Variants in ANK3 observed in about 807,000 individuals in gnomAD.
ANK3 encodes ankyrin-3.
A neutral mutation model predicts 370.9 loss-of-function variants in ANK3; 57 were observed. That is an observed-to-expected ratio of 0.15 (90% CI 0.12 to 0.19). The LOEUF (loss-of-function observed/expected upper bound fraction) is 0.19. Among genes scored for constraint, ANK3 ranks in the 10% least tolerant of loss-of-function variants. The probability of loss-of-function intolerance (pLI) is 1.00; values close to 1 mark genes in which losing one functional copy is unlikely to be tolerated. For missense variants in ANK3, 4,439 were observed against 5,302.1 expected, an observed-to-expected ratio of 0.84 and a Z score of 5.06; for synonymous variants, 1,929 against 1,946.3, an observed-to-expected ratio of 0.99 and a Z score of 0.23.
chr10:60,475,599 A>C (rs1397105963), intron 2 of ANK3, among the ~76,000 whole-genome samples: 1 of 152,232 alleles, frequency 6.6e-6, no homozygotes, highest in Non-Finnish European at 1.5e-5. Flanking sequence ...AAGAAAAGCC[A>C]AATAGTTTAA....
At chr10:60,392,615 C>A, upstream of ANK3, among the ~76,000 whole-genome samples, 1 of 152,156 alleles carries the variant, frequency 6.6e-6, no homozygotes, top group East Asian at 1.9e-4. Context: ...GGCCCATGCA[C>A]GGAATGTCAA....
At chr10:60,304,433 A>G (rs1056552643) in intron 1 of ANK3, among the ~76,000 whole-genome samples, 3 of 152,074 alleles carry the variant, frequency 2.0e-5, no homozygotes, top group African/African-American at 7.2e-5. Context: ...ACCTGAGGCC[A>G]GGAGTTCAAG....
intron 1 of ANK3, among the ~76,000 whole-genome samples, chr10:60,675,991 C>T (rs1409410122): frequency 6.6e-6 from 1 of 151,860 alleles, no homozygotes; most frequent in Non-Finnish European, 1.5e-5. Context: ...TTAAATTGCA[C>T]CATTTATATA....
chr10:60,084,649 C>T lies in ANK3; in HGVS notation c.4027G>A (p.Glu1343Lys), dbSNP rs764695552. The change falls in exon 32 of 44, where the codon GAG becomes AAG. Residue 1343 changes from glutamate to lysine, a missense_variant. Transcript: ENST00000280772. ...ACTTCCTCAAAATTCTCTTGTTGCTCTAAAGTTTTGTCCACTTTGTCATCT... is the reference window on the plus strand; with the variant it reads ...ACTTCCTCAAAATTCTCTTGTTGCTTTAAAGTTTTGTCCACTTTGTCATCT... ...MTDDKVDKTL[E>K]QQENFEEVAR... 6.2e-7 allele frequency: 1 copy of T among 1,613,874 alleles called. No individual in the cohort carries two copies. The highest frequency in any genetic ancestry group is 8.5e-7 in the Non-Finnish European group (1 of 1,179,946).
At chr10:60,241,337 G>C (rs1388417144) in intron 7 of ANK3, among the ~76,000 whole-genome samples, 1 of 152,142 alleles carries the variant, frequency 6.6e-6, no homozygotes, top group Non-Finnish European at 1.5e-5. Flanking sequence ...AAATACGATT[G>C]TAATTTTATA....
intron 9 of ANK3, among the ~76,000 whole-genome samples, chr10:60,211,892 C>CAAAAAAAAAAAAAAAAAA (rs72238553): frequency 3.2e-5 from 3 of 93,400 alleles, no homozygotes; most frequent in Non-Finnish European, 5.9e-5. Flanking sequence ...AATACAGAGC[C>CAAAAAAAAAAAAAAAAAA]AAAAAAAAAA....
intron 2 of ANK3, among the ~76,000 whole-genome samples, chr10:60,603,167 T>A (rs1279912653): frequency 6.6e-6 from 1 of 152,158 alleles, no homozygotes; most frequent in Non-Finnish European, 1.5e-5. Flanking sequence ...CACTTTTCTA[T>A]GAATAACTCA....
At chr10:60,528,205 C>T (rs532357519) in intron 2 of ANK3, among the ~76,000 whole-genome samples, 3 of 139,464 alleles carry the variant, frequency 2.2e-5, no homozygotes, top group East Asian at 2.2e-4. Flanking sequence ...GGTGCAATCT[C>T]GACTCACCAC....
intron 1 of ANK3, among the ~76,000 whole-genome samples, chr10:60,665,822 A>G (rs1163534347): frequency 6.6e-6 from 1 of 152,188 alleles, no homozygotes; most frequent in Non-Finnish European, 1.5e-5. Context: ...ATAATTAAGT[A>G]TTATATTTTT....
At chr10:60,171,120 T>A (rs1052720700) in intron 21 of ANK3, among the ~76,000 whole-genome samples, 6 of 152,204 alleles carry the variant, frequency 3.9e-5, no homozygotes, top group Non-Finnish European at 7.3e-5. Context: ...AACTTAATGA[T>A]AGATTTTAAT....
At chr10:60,517,036 G>T (rs2076234829) in intron 2 of ANK3, among the ~76,000 whole-genome samples, 1 of 151,854 alleles carries the variant, frequency 6.6e-6, no homozygotes, top group African/African-American at 2.4e-5. Context: ...GGTGGTCTTG[G>T]GCAAGTTATC....
intron 1 of ANK3, among the ~76,000 whole-genome samples, chr10:60,377,576 T>C (rs1335832510): frequency 6.6e-6 from 1 of 152,230 alleles, no homozygotes; most frequent in Non-Finnish European, 1.5e-5. Context: ...AAATGAGCAA[T>C]ACTGGTGATG....
chr10:60,058,379 CAAATGTGA>C lies in ANK3; in HGVS notation c.12686+953_12686+960del, dbSNP rs1206193944. ...ACCAGGAAATTATTTTGGGTAAAGA[CAAATGTGA>C]CCAGGAAATTATTTTGGGTAAAGAC... On this transcript the variant is annotated intron_variant, in intron 41 of 43. Coordinates refer to ENST00000280772, the MANE Select transcript of ANK3 (RefSeq NM_020987.5). 9.3e-3 allele frequency among the ~76,000 whole-genome samples: 1,417 copies of C among 152,124 alleles called. 15 individuals are homozygous for C. The highest frequency in any genetic ancestry group is 0.032 in the African/African-American group (1,345 of 41,498).
intron 1 of ANK3, among the ~76,000 whole-genome samples, chr10:60,694,573 A>G (rs2079413884): frequency 6.6e-6 from 1 of 152,152 alleles, no homozygotes. Flanking sequence ...ACAAGCCAGA[A>G]GAGAGTGGGG....
Position 60,072,946 on chromosome 10 carries a change from C to G in ANK3, c.7935G>C (p.Glu2645Asp). 1.2e-6 allele frequency: 2 copies of G among 1,614,120 alleles called. No individual in the cohort carries two copies. Among genetic ancestry groups the G allele is most frequent in the Non-Finnish European group, 1.7e-6 (2 of 1,180,018 alleles). Residue 2645 changes from glutamate to aspartate, a missense_variant, in exon 37 of 44, where the codon GAG becomes GAC. Transcript: ENST00000280772. ...GGCCATGCTGTCTTGCCTTAACCCA[C>G]TCATCATTGGATGCCAGCAGTTCTG... ...LLTELLASND[E>D]WVKARQHGPD...
intron 2 of ANK3, among the ~76,000 whole-genome samples, chr10:60,605,233 G>A (rs7098097): frequency 0.69 from 105,515 of 151,844 alleles, 36,923 homozygotes; most frequent in South Asian, 0.88. Context: ...TAGGTTCTAC[G>A]GGAAACACAT....
At chr10:60,674,013 C>A (rs1235290658) in intron 1 of ANK3, among the ~76,000 whole-genome samples, 1 of 152,068 alleles carries the variant, frequency 6.6e-6, no homozygotes, top group Non-Finnish European at 1.5e-5. Flanking sequence ...TGAGTTTGGG[C>A]CAAAGCCTAC....
chr10:60,092,804 C>G (rs973143611), intron 28 of ANK3, among the ~76,000 whole-genome samples: 15 of 152,228 alleles, frequency 9.9e-5, no homozygotes, highest in Non-Finnish European at 2.2e-4. Context: ...GGCATGATCT[C>G]AGCTCACTGC....
In ANK3 at chr10:60,080,707, TA is replaced by T. The variant is rs1006761463; in HGVS notation, c.4351-90del. On this transcript the variant is annotated intron_variant, in intron 35 of 43. Transcript: ENST00000280772. ...GACATTTTGTAGGATGGCATGTTGA[TA>T]ACTTGTTTATTTTCCTTCTTAGGAA... 5.0e-6 allele frequency: 5 copies of T among 1,000,046 alleles called. No homozygotes were observed. The African/African-American group carries it at 8.3e-5, about 17-fold the overall frequency. The allele number at this position is 1,000,046 out of a possible 1,614,324, so 61.9% of individuals were successfully genotyped here. A position where few individuals can be genotyped will look rare whatever the true frequency, so the allele number is the denominator to read the frequency against.
Sources: gnomAD v4.1 joint callset for allele counts (sites outside exome capture counted in the v4.1 genomes callset) on GRCh38, gnomAD v4.1.1 for gene constraint, MANE v1.5 for transcripts, NCBI Gene and HGNC (gene_info 2026-07-23, HGNC 2026-07-21) for gene names.